The following FREM1 variants were observed in gnomAD, a reference collection of about 807,000 sequenced individuals.
FREM1 encodes FRAS1 related extracellular matrix 1.
FREM1 carries 220 observed loss-of-function variants against 210.1 expected under a neutral mutation model. The observed-to-expected ratio is 1.05, with a 90% CI of 0.94 to 1.17. The LOEUF is 1.17. Ranked by LOEUF, FREM1 falls within the 50% of genes most tolerant of loss-of-function variation. The pLI is 0.00. For missense variants in FREM1, 3,454 were observed against 2,675.5 expected, an observed-to-expected ratio of 1.29 and a Z score of -6.42; for synonymous variants, 1,189 against 980.2, an observed-to-expected ratio of 1.21 and a Z score of -3.98.
At chr9:14,785,486 C>A (rs991397750) in intron 23 of FREM1, among the ~76,000 whole-genome samples, 1 of 152,106 alleles carries the variant, frequency 6.6e-6, no homozygotes, top group East Asian at 1.9e-4. Context: ...ATTTATACAA[C>A]CATATTCATA....
Position 14,868,818 on chromosome 9 carries a change from C to CT in FREM1, c.159dup (p.Glu54ArgfsTer13). On this transcript the variant is annotated frameshift_variant, in exon 2 of 37. Coordinates refer to ENST00000380880, the MANE Select transcript of FREM1 (RefSeq NM_001379081.2). LOFTEE classifies it high-confidence loss of function. Reference sequence around the variant, plus strand: ...ACTTCCACTTTGCAGGCATCTTTCTCTTTAGGGATGGCAAACTTCAGGTCA... The same window carrying CT: ...ACTTCCACTTTGCAGGCATCTTTCTCTTTTAGGGATGGCAAACTTCAGGTCA... 1 of 1,612,968 alleles carries CT rather than the reference C, an allele frequency of 6.2e-7. No homozygotes were observed. Among genetic ancestry groups the CT allele is most frequent in the Non-Finnish European group, 8.5e-7 (1 of 1,179,462 alleles).
chr9:14,783,788 C>G (rs140156126), intron 24 of FREM1, among the ~76,000 whole-genome samples: 3 of 152,150 alleles, frequency 2.0e-5, no homozygotes, highest in African/African-American at 4.8e-5. Context: ...GGAACAGGTG[C>G]GCAGCCCCCA....
chr9:14,849,200 G>C (rs1159839147), intron 6 of FREM1, among the ~76,000 whole-genome samples: 1 of 151,964 alleles, frequency 6.6e-6, no homozygotes, highest in Non-Finnish European at 1.5e-5. Flanking sequence ...TCGGTGTGTG[G>C]GAAAATGCTA....
intron 5 of FREM1, among the ~76,000 whole-genome samples, chr9:14,854,008 C>A (rs1588383203): frequency 6.6e-6 from 1 of 152,114 alleles, no homozygotes; most frequent in Admixed American, 6.5e-5. Context: ...TATGCTAGAA[C>A]TGAAATTGCA....
intron 13 of FREM1, among the ~76,000 whole-genome samples, chr9:14,822,329 G>A (rs1821512441): frequency 6.6e-6 from 1 of 152,140 alleles, no homozygotes; most frequent in Admixed American, 6.6e-5. Context: ...TAAGACCTCT[G>A]CCCCACAACC....
chr9:14,821,998 A>G (rs4741435), intron 13 of FREM1, among the ~76,000 whole-genome samples: 19,531 of 152,124 alleles, frequency 0.13, 1,272 homozygotes, highest in East Asian at 0.18. Flanking sequence ...GGCCAGGTGG[A>G]GATAACTGAA....
intron 25 of FREM1, among the ~76,000 whole-genome samples, chr9:14,774,842 C>G (rs751046363): frequency 1.3e-4 from 20 of 152,048 alleles, no homozygotes; most frequent in Non-Finnish European, 2.5e-4. Context: ...AGACTTGAGG[C>G]CTTTGTGTGT....
At chr9:14,816,729 G>T in intron 15 of FREM1, 49 bp downstream of exon 15, 2 of 945,400 alleles carry the variant, frequency 2.1e-6, no homozygotes, top group Non-Finnish European at 2.9e-6. Context: ...TGTTATGGCA[G>T]CACAAAACAG....
intron 22 of FREM1, among the ~76,000 whole-genome samples, chr9:14,792,291 CACACACACACACAGAG>C (rs1851538099): frequency 6.9e-6 from 1 of 144,826 alleles, no homozygotes; most frequent in African/African-American, 2.5e-5. Flanking sequence ...CACACACACA[CACACACACACACAGAG>C]AGAGAGAGAG....
intron 32 of FREM1, 85 bp from the exon 33 acceptor site, chr9:14,747,513 G>C (rs1447426221): frequency 3.7e-6 from 5 of 1,369,072 alleles, no homozygotes; most frequent in African/African-American, 1.5e-5. Flanking sequence ...CAAAAATTCA[G>C]TCAAAGCAAA....
intron 1 of FREM1, among the ~76,000 whole-genome samples, chr9:14,889,294 C>G (rs1432180904): frequency 1.3e-5 from 2 of 152,238 alleles, no homozygotes; most frequent in African/African-American, 4.8e-5. Flanking sequence ...CAGCCTTCCT[C>G]ACATTCAACA....
intron 10 of FREM1, among the ~76,000 whole-genome samples, chr9:14,827,627 G>A (rs751066391): frequency 1.3e-5 from 2 of 152,198 alleles, no homozygotes; most frequent in African/African-American, 4.8e-5. Flanking sequence ...GTGCCTATAT[G>A]ATAGAGAGAT....
intron 27 of FREM1, among the ~76,000 whole-genome samples, chr9:14,763,760 A>G (rs995584912): frequency 1.3e-5 from 2 of 152,224 alleles, no homozygotes; most frequent in South Asian, 2.1e-4. Context: ...TCATTTTTCC[A>G]GAGCATGTAC....
chr9:14,846,224 C>A (rs1290600426), intron 7 of FREM1, 133 bp from the exon 8 acceptor site: 4 of 653,956 alleles, frequency 6.1e-6, no homozygotes, highest in South Asian at 4.0e-5. Flanking sequence ...ATGGATGAAA[C>A]TGGAAACCAT....
chr9:14,879,152 C>T (rs1037550228), intron 1 of FREM1, among the ~76,000 whole-genome samples: 12 of 130,014 alleles, frequency 9.2e-5, no homozygotes, highest in African/African-American at 2.8e-4. Flanking sequence ...AGCAAGATTC[C>T]GTCTCAAAAA....
intron 5 of FREM1, among the ~76,000 whole-genome samples, chr9:14,851,874 G>A (rs1056701309): frequency 2.6e-5 from 4 of 152,186 alleles, no homozygotes; most frequent in African/African-American, 9.7e-5. Context: ...CATGCAGCCA[G>A]GTGAAGAAGG....
chr9:14,857,652 C>A lies in FREM1; in HGVS notation c.729G>T (p.Met243Ile). Residue 243 changes from methionine (M) to isoleucine (I), a missense_variant, in exon 5 of 37, where the codon ATG (methionine) becomes ATT (isoleucine). Met to Ile is a conservative substitution (Grantham distance 10). Coordinates refer to ENST00000380880, the MANE Select transcript of FREM1 (RefSeq NM_001379081.2). ...GATCCAGATGCTGATAACGAAGGCC[C>A]ATCAGCAGGAACTCCTCACAGCTCA... ...LKVSCEEFLLMGLRYQHLDPP... is the reference protein window; with the variant it reads ...LKVSCEEFLLIGLRYQHLDPP... 1 of 1,613,278 alleles carries A rather than the reference C, an allele frequency of 6.2e-7. No homozygotes were observed. The highest frequency in any genetic ancestry group is 8.5e-7 in the Non-Finnish European group (1 of 1,179,312).
At chr9:14,874,498 T>A (rs1355576798) in intron 1 of FREM1, among the ~76,000 whole-genome samples, 1 of 150,312 alleles carries the variant, frequency 6.7e-6, no homozygotes, top group Non-Finnish European at 1.5e-5. Context: ...ACCCCTGCCT[T>A]TTTTTGTTTT....
chr9:14,755,716 G>T (rs568095096), intron 29 of FREM1, among the ~76,000 whole-genome samples: 1 of 152,288 alleles, frequency 6.6e-6, no homozygotes, highest in Admixed American at 6.5e-5. Context: ...ACTGCCTCCC[G>T]TGGGAAGTCT....
Sources: allele counts gnomAD v4.1 joint callset (sites outside exome capture counted in the v4.1 genomes callset), GRCh38; gene constraint gnomAD v4.1.1; transcripts MANE v1.5; gene names NCBI Gene and HGNC (gene_info 2026-07-23, HGNC 2026-07-21).